The following MYO9A variants were observed in gnomAD, a reference collection of about 807,000 sequenced individuals.
The protein encoded by MYO9A is myosin IXA, also known as unconventional myosin-IXa.
A neutral mutation model predicts 293.3 loss-of-function variants in MYO9A; 103 were observed. The observed-to-expected ratio is 0.35, with a 90% CI of 0.30 to 0.41. The LOEUF (loss-of-function observed/expected upper bound fraction) is 0.41, where lower values mean the gene tolerates loss of function less well. Ranked by LOEUF, MYO9A falls within the 10% of genes least tolerant of loss-of-function variation. The pLI is 1.00. For synonymous variants in MYO9A, 1,001 were observed against 1,035.7 expected (o/e 0.97, Z 0.64); for missense variants, 2,685 against 3,033.0 (o/e 0.89, Z 2.69).
chr15:71,912,980 G>A (rs1484487777), intron 19 of MYO9A, among the ~76,000 whole-genome samples: 1 of 150,268 alleles, frequency 6.7e-6, no homozygotes, highest in Non-Finnish European at 1.5e-5. Flanking sequence ...TGCTCTGATT[G>A]AGGTTTACTG....
intron 1 of MYO9A, among the ~76,000 whole-genome samples, chr15:72,077,469 A>C (rs763015797): frequency 8.6e-5 from 13 of 152,006 alleles, no homozygotes; most frequent in Non-Finnish European, 1.8e-4. Context: ...ATGTGGGTGG[A>C]TCATTTGAGG....
At chr15:71,845,174 G>A (rs772488074) in intron 39 of MYO9A, among the ~76,000 whole-genome samples, 1 of 152,076 alleles carries the variant, frequency 6.6e-6, no homozygotes, top group Non-Finnish European at 1.5e-5. Context: ...CTTTATCCAA[G>A]GCTTTTTTTT....
chr15:72,044,438 T>C (rs1303719220), intron 2 of MYO9A, among the ~76,000 whole-genome samples: 1 of 151,748 alleles, frequency 6.6e-6, no homozygotes, highest in Non-Finnish European at 1.5e-5. Context: ...AAGTATATAA[T>C]GTATTGTTAC....
At chr15:71,901,463 A>AG in intron 22 of MYO9A, 123 bp from the exon 23 acceptor site, 2 of 938,202 alleles carry the variant, frequency 2.1e-6, no homozygotes, top group East Asian at 5.4e-5. Context: ...CATGTAAATG[A>AG]AGTACTGATA....
In MYO9A at chr15:72,010,435, C is replaced by T. The variant is rs780849646; in HGVS notation, c.1168G>A (p.Val390Met). 1.2e-6 allele frequency: 2 copies of T among 1,612,774 alleles called. No homozygotes were observed. The highest frequency in any genetic ancestry group is 1.3e-5 in the African/African-American group (1 of 75,010). The stretch of plus-strand genomic sequence containing the variant: ...TCATGTCTCAAATCTTCTCCTTCCA[C>T]CGTGAAGCAATCCTGCTTATTTAAA... Reference protein sequence around the residue: ...CYDSEPDCFTVEGEDLRHDFE... With the variant: ...CYDSEPDCFTMEGEDLRHDFE... The change falls in exon 7 of 42, where the codon GTG becomes ATG. Residue 390 changes from valine (V) to methionine (M), a missense_variant. By Grantham distance (21) the Val-to-Met change is conservative. This residue lies in a region of MYO9A where 289 missense variants were observed against 456.8 expected (regional missense o/e 0.63). Coordinates refer to ENST00000356056, the MANE Select transcript of MYO9A (RefSeq NM_006901.4).
chr15:71,823,076 C>T lies in MYO9A; in HGVS notation c.*3504G>A, dbSNP rs1211758978. ...TTGTCCATACAGAATGATGCATGCC[C>T]CGCATCCAGCTTCCCACCAAGAAGA... On this transcript the variant is annotated 3_prime_UTR_variant, in exon 42 of 42. Transcript: ENST00000356056. 6.6e-6 allele frequency: 1 copy of T among 151,770 alleles called. No homozygotes were observed. The highest frequency in any genetic ancestry group is 1.5e-5 in the Non-Finnish European group (1 of 67,956). 9.4% of individuals were successfully genotyped at this position (151,770 alleles called of 1,614,324 possible). A position where few individuals can be genotyped will look rare whatever the true frequency, so the allele number is the denominator to read the frequency against.
At chr15:71,855,351 G>A (rs1045917886) in intron 34 of MYO9A, among the ~76,000 whole-genome samples, 1 of 152,142 alleles carries the variant, frequency 6.6e-6, no homozygotes, top group Non-Finnish European at 1.5e-5. Context: ...GGCCAGGCTG[G>A]TCTCGAGCTC....
intron 1 of MYO9A, among the ~76,000 whole-genome samples, chr15:72,107,564 A>AT (rs35851921): frequency 2.0e-5 from 3 of 151,586 alleles, no homozygotes; most frequent in East Asian, 1.9e-4. Context: ...TCCAAAAAAT[A>AT]TTTTTTTTAA....
At chr15:71,876,022 A>G (rs2056671528) in intron 31 of MYO9A, among the ~76,000 whole-genome samples, 184 bp from the exon 32 acceptor site, 1 of 152,228 alleles carries the variant, frequency 6.6e-6, no homozygotes, top group South Asian at 2.1e-4. Flanking sequence ...CTGATAAAAC[A>G]TAATTGCCAA....
chr15:71,843,095 G>C (rs973365316), intron 39 of MYO9A, among the ~76,000 whole-genome samples: 1 of 151,988 alleles, frequency 6.6e-6, no homozygotes, highest in Non-Finnish European at 1.5e-5. Flanking sequence ...TTTATGAGAG[G>C]AAGTTCTTAG....
rs2058603973 is a variant in MYO9A, at chr15:71,935,214, CA to C, written c.2522+126del. Reference sequence around the variant, plus strand: ...ACCTAAATAACTTTGAGTCTTGTTTCAGTCAAAATTCTTCCCATGAAAATAA... The same window carrying C: ...ACCTAAATAACTTTGAGTCTTGTTTCGTCAAAATTCTTCCCATGAAAATAA... On this transcript the variant is annotated intron_variant, in intron 17 of 41. Coordinates refer to ENST00000356056, the MANE Select transcript of MYO9A (RefSeq NM_006901.4). 7 of 1,000,594 alleles carry C rather than the reference CA, an allele frequency of 7.0e-6. No individual in the cohort carries two copies. The East Asian group carries it at 1.8e-4, about 26-fold the overall frequency. 62.0% of individuals were successfully genotyped at this position (1,000,594 alleles called of 1,614,324 possible).
At chr15:71,967,835 C>T (rs1450915017) in intron 13 of MYO9A, 149 bp downstream of exon 13, 10 of 763,042 alleles carry the variant, frequency 1.3e-5, no homozygotes, top group African/African-American at 1.8e-5. Context: ...TGCTGAAAAG[C>T]AGAATCTAAG....
chr15:71,932,107 TC>T (rs2058491565), intron 18 of MYO9A, among the ~76,000 whole-genome samples: 1 of 152,172 alleles, frequency 6.6e-6, no homozygotes, highest in African/African-American at 2.4e-5. Flanking sequence ...GAGAAGTCAT[TC>T]CCCCTAGACA....
rs892520446 is a variant in MYO9A at position 72,085,701 on chromosome 15, G to A, written c.-72+31979C>T. Among the ~76,000 whole-genome samples, 5 of 152,210 alleles carry A rather than the reference G, an allele frequency of 3.3e-5. No individual in the cohort carries two copies. The East Asian group carries it at 9.6e-4, about 29-fold the overall frequency. On this transcript the variant is annotated intron_variant, in intron 1 of 41. Transcript: ENST00000356056. ...TGTCTGGAGAAAAGAAGGCACTCTG[G>A]CTTTTTAAGTTATCAGGATTCTTAC...
At chr15:71,946,307 T>C (rs990729623) in intron 15 of MYO9A, among the ~76,000 whole-genome samples, 2 of 152,210 alleles carry the variant, frequency 1.3e-5, no homozygotes, top group African/African-American at 4.8e-5. Flanking sequence ...AATGAGCCTA[T>C]CTTGGCCTAA....
intron 6 of MYO9A, among the ~76,000 whole-genome samples, chr15:72,010,863 C>T (rs539260019): frequency 8.5e-5 from 13 of 152,164 alleles, no homozygotes; most frequent in African/African-American, 3.1e-4. Context: ...CAAGTGCCTA[C>T]CCTATGTAAG....
intron 18 of MYO9A, among the ~76,000 whole-genome samples, chr15:71,928,051 TATATA>T (rs1213160623): frequency 6.0e-4 from 7 of 11,742 alleles, no homozygotes; most frequent in Non-Finnish European, 1.3e-3. Flanking sequence ...TATATATATA[TATATA>T]TTTTTTTTTT....
At chr15:71,987,201 G>C (rs2076428494) in intron 11 of MYO9A, among the ~76,000 whole-genome samples, 1 of 152,106 alleles carries the variant, frequency 6.6e-6, no homozygotes, top group Non-Finnish European at 1.5e-5. Context: ...TGTAAATACA[G>C]GATGATGTTC....
chr15:71,998,565 C>CTTTTTTT (rs11443228), intron 9 of MYO9A, among the ~76,000 whole-genome samples: 44 of 139,796 alleles, frequency 3.1e-4, no homozygotes, highest in Middle Eastern at 3.8e-3. Flanking sequence ...TTTTTTTTGT[C>CTTTTTTT]TTTTTTTTTC....
Sources: gnomAD v4.1 joint callset for allele counts (sites outside exome capture counted in the v4.1 genomes callset) on GRCh38, gnomAD v4.1.1 for gene constraint, gnomAD v4.1.1 regional missense constraint, MANE v1.5 for transcripts, NCBI Gene and HGNC (gene_info 2026-07-23, HGNC 2026-07-21) for gene names.